The following GRIK3 variants were observed in gnomAD, a reference collection of about 807,000 sequenced individuals.
GRIK3 encodes glutamate receptor ionotropic, kainate 3.
In GRIK3, 29 loss-of-function variants were observed where a neutral mutation model predicts 102.5. The ratio of observed to expected loss-of-function variants is 0.28; its 90% CI spans 0.21 to 0.39. The LOEUF is 0.39. Among genes scored for constraint, GRIK3 ranks in the 10% least tolerant of loss-of-function variants. The pLI, the probability that GRIK3 is intolerant of heterozygous loss-of-function variation, is 1.00. For synonymous variants in GRIK3, 511 were observed against 504.9 expected, an observed-to-expected ratio of 1.01 and a Z score of -0.16; for missense variants, 908 against 1,252.4, an observed-to-expected ratio of 0.73 and a Z score of 4.15.
chr1:37,024,410 T>C (rs1380695948), intron 1 of GRIK3, among the ~76,000 whole-genome samples: 2 of 151,738 alleles, frequency 1.3e-5, no homozygotes, highest in South Asian at 2.1e-4. Flanking sequence ...ATTAACTCAT[T>C]CAATCCTCAC....
chr1:36,932,580 C>T (rs1008144971), intron 1 of GRIK3, among the ~76,000 whole-genome samples: 6 of 152,162 alleles, frequency 3.9e-5, no homozygotes, highest in Non-Finnish European at 7.3e-5. Flanking sequence ...ATGAAGGGTC[C>T]GCAGCCAAGA....
At chr1:36,962,320 C>T (rs984779281) in intron 1 of GRIK3, among the ~76,000 whole-genome samples, 1 of 152,118 alleles carries the variant, frequency 6.6e-6, no homozygotes, top group African/African-American at 2.4e-5. Context: ...TCACTGAATG[C>T]ATGTTCGGTC....
chr1:36,827,396 G>A (rs552095868), intron 10 of GRIK3, among the ~76,000 whole-genome samples: 1 of 152,038 alleles, frequency 6.6e-6, no homozygotes, highest in African/African-American at 2.4e-5. Context: ...AGAAAGGGAG[G>A]CTGGGGCCTA....
chr1:36,963,757 T>C (rs956711087), intron 1 of GRIK3, among the ~76,000 whole-genome samples: 2 of 152,096 alleles, frequency 1.3e-5, no homozygotes, highest in Admixed American at 1.3e-4. Context: ...CAGTGAGATA[T>C]CCCCCTCAAC....
chr1:36,896,327 T>C (rs1434542004), intron 1 of GRIK3, among the ~76,000 whole-genome samples: 2 of 152,160 alleles, frequency 1.3e-5, no homozygotes, highest in African/African-American at 4.8e-5. Flanking sequence ...TGTATGCTTA[T>C]ATATGAGCAA....
chr1:36,824,537 A>C (rs1277463123), intron 11 of GRIK3, among the ~76,000 whole-genome samples: 4 of 151,882 alleles, frequency 2.6e-5, no homozygotes, highest in Non-Finnish European at 5.9e-5. Context: ...AGCGGAAGGG[A>C]GTGAAGTGGG....
chr1:36,811,492 A>G lies in GRIK3; in HGVS notation c.2092-5166T>C, dbSNP rs553784618. Among the ~76,000 whole-genome samples the G allele has an allele frequency of 1.8e-3, 278 of 152,336 alleles. 1 individual carries two copies. The highest frequency in any genetic ancestry group is 2.9e-3 in the Non-Finnish European group (195 of 68,036). ...GTCTATGGGCTGCACAGGCCTGTGTATCACCAGTTTGCAACAATAAACAAT... is the reference window on the plus strand; with the variant it reads ...GTCTATGGGCTGCACAGGCCTGTGTGTCACCAGTTTGCAACAATAAACAAT... On this transcript the variant is annotated intron_variant, in intron 13 of 15. Coordinates refer to ENST00000373091, the MANE Select transcript of GRIK3 (RefSeq NM_000831.4).
chr1:36,864,352 CA>C (rs1267616810), intron 5 of GRIK3, among the ~76,000 whole-genome samples: 1 of 152,190 alleles, frequency 6.6e-6, no homozygotes, highest in Non-Finnish European at 1.5e-5. Flanking sequence ...CTGCTGCGAC[CA>C]TGGAAGAGAA....
chr1:36,993,013 G>A (rs150502413), intron 1 of GRIK3, among the ~76,000 whole-genome samples: 40 of 152,244 alleles, frequency 2.6e-4, no homozygotes, highest in African/African-American at 7.9e-4. Flanking sequence ...AGGAGAAAAT[G>A]GAAGTTTTAG....
chr1:36,941,557 G>A (rs567263539), intron 1 of GRIK3, among the ~76,000 whole-genome samples: 14 of 152,182 alleles, frequency 9.2e-5, no homozygotes, highest in African/African-American at 2.4e-4. Flanking sequence ...TGGGGTGGAG[G>A]GGGGGAGTGC....
intron 1 of GRIK3, among the ~76,000 whole-genome samples, chr1:36,902,616 A>C (rs1249746249): frequency 6.6e-6 from 1 of 152,226 alleles, no homozygotes; most frequent in African/African-American, 2.4e-5. Context: ...ATGCAAAACT[A>C]TAAATTGCCA....
chr1:36,936,784 A>C (rs1445006462), intron 1 of GRIK3, among the ~76,000 whole-genome samples: 1 of 150,810 alleles, frequency 6.6e-6, no homozygotes, highest in Non-Finnish European at 1.5e-5. Flanking sequence ...TGAATGTGCG[A>C]ACAAATGGAA....
intron 1 of GRIK3, among the ~76,000 whole-genome samples, chr1:37,023,866 G>C (rs1183098110): frequency 1.3e-5 from 2 of 152,230 alleles, no homozygotes; most frequent in Non-Finnish European, 2.9e-5. Flanking sequence ...CAAGCATGGA[G>C]ACATGGTAAT....
chr1:36,902,462 A>G (rs1021668061), intron 1 of GRIK3, among the ~76,000 whole-genome samples: 1 of 152,228 alleles, frequency 6.6e-6, no homozygotes, highest in African/African-American at 2.4e-5. Context: ...ACAAGGGAGC[A>G]AAGGCAATAC....
At chr1:36,957,778 G>A (rs1234909614) in intron 1 of GRIK3, among the ~76,000 whole-genome samples, 4 of 135,780 alleles carry the variant, frequency 2.9e-5, no homozygotes, top group South Asian at 2.5e-4. Context: ...TGTCCCATGA[G>A]TCTGTGCCCC....
intron 8 of GRIK3, among the ~76,000 whole-genome samples, chr1:36,851,074 C>G (rs964885569): frequency 6.6e-6 from 1 of 152,180 alleles, no homozygotes; most frequent in Non-Finnish European, 1.5e-5. Flanking sequence ...TGACCCAACT[C>G]TGGCCAGCTC....
At chr1:36,842,625 G>T (rs1640470965) in intron 9 of GRIK3, among the ~76,000 whole-genome samples, 1 of 152,220 alleles carries the variant, frequency 6.6e-6, no homozygotes. Flanking sequence ...CAGCTCATCG[G>T]TAGGTGGCTG....
At chr1:36,839,657 C>A (rs1048441431) in intron 10 of GRIK3, among the ~76,000 whole-genome samples, 6 of 152,202 alleles carry the variant, frequency 3.9e-5, no homozygotes, top group Admixed American at 2.6e-4. Context: ...AATATCTTTT[C>A]CCTTTTACAG....
intron 1 of GRIK3, among the ~76,000 whole-genome samples, chr1:37,013,649 C>A (rs1194773823): frequency 6.6e-6 from 1 of 152,222 alleles, no homozygotes; most frequent in Non-Finnish European, 1.5e-5. Context: ...GCTGGATCCT[C>A]CATTGCTGTA....
Sources: allele counts gnomAD v4.1 joint callset (sites outside exome capture counted in the v4.1 genomes callset), GRCh38; gene constraint gnomAD v4.1.1; transcripts MANE v1.5; gene names NCBI Gene and HGNC (gene_info 2026-07-23, HGNC 2026-07-21).